LARS1: variants seen among roughly 807,000 people sequenced by gnomAD.
LARS1 encodes the protein leucyl-tRNA synthetase 1, also known as leucine--tRNA ligase, cytoplasmic.
In LARS1, 100 loss-of-function variants were observed where a neutral mutation model predicts 162.8. The ratio of observed to expected loss-of-function variants is 0.61; its 90% CI spans 0.52 to 0.73. The LOEUF (loss-of-function observed/expected upper bound fraction) is 0.73. Among genes scored for constraint, LARS1 ranks in the 30% least tolerant of loss-of-function variants. The pLI, the probability that LARS1 is intolerant of heterozygous loss-of-function variation, is 0.00. For synonymous variants in LARS1, 457 were observed against 462.8 expected, an observed-to-expected ratio of 0.99 and a Z score of 0.16; for missense variants, 1,258 against 1,408.9, an observed-to-expected ratio of 0.89 and a Z score of 1.71.
At chr5:146,175,405 T>C (rs1417419928) in intron 2 of LARS1, among the ~76,000 whole-genome samples, 1 of 151,372 alleles carries the variant, frequency 6.6e-6, no homozygotes, top group African/African-American at 2.4e-5. Context: ...TAGCCAGGCG[T>C]GGTGGCATGC....
At position 146,151,960 on chromosome 5, in the gene LARS1, C is replaced by T; in HGVS notation, c.1327G>A (p.Val443Ile). 1 of 1,614,144 alleles carries T rather than the reference C, an allele frequency of 6.2e-7. No homozygotes were observed. The highest frequency in any genetic ancestry group is 8.5e-7 in the Non-Finnish European group (1 of 1,180,024). ...ATTTTCAACTCATCACAAATGGTTA[C>T]AGCAGAAAGATTTCCAAAACCTGGG... ...EIPGFGNLSA[V>I]TICDELKIQS... The change falls in exon 14 of 32, where the codon GTA becomes ATA. Residue 443 changes from valine (V) to isoleucine (I), a missense_variant. By Grantham distance (29) the Val-to-Ile change is conservative. Coordinates refer to ENST00000394434, the MANE Select transcript of LARS1 (RefSeq NM_020117.11).
chr5:146,181,401 C>A (rs1334356217), intron 1 of LARS1, among the ~76,000 whole-genome samples: 1 of 151,714 alleles, frequency 6.6e-6, no homozygotes, highest in Non-Finnish European at 1.5e-5. Context: ...TAAAACCAGG[C>A]GGGATGGCTC....
rs188699530 is a variant in LARS1, at chr5:146,171,902, G to A, written c.294+8C>T. ...AAGAGTAGAAACCAATCCTATTAGC[G>A]ATCTTACCTTAATAGGCATTCCAGT... On this transcript the variant is annotated splice_region_variant and intron_variant, in intron 4 of 31. Transcript: ENST00000394434. The A allele has an allele frequency of 4.7e-4, 755 of 1,602,868 alleles. 5 individuals carry two copies. In the African/African-American group the frequency reaches 8.2e-3, roughly 17 times the overall value.
chr5:146,122,196 T>C (rs1480640184), intron 30 of LARS1, among the ~76,000 whole-genome samples: 1 of 152,128 alleles, frequency 6.6e-6, no homozygotes, highest in Non-Finnish European at 1.5e-5. Context: ...CCAGTATTTT[T>C]AAATAAAAAC....
intron 15 of LARS1, among the ~76,000 whole-genome samples, chr5:146,146,155 A>T (rs1752994172): frequency 6.6e-6 from 1 of 152,138 alleles, no homozygotes; most frequent in Admixed American, 6.6e-5. Context: ...AGCCTGTCCA[A>T]CATGGAGAAA....
At chr5:146,116,334 CG>C (rs1764208005) in intron 31 of LARS1, among the ~76,000 whole-genome samples, 1 of 152,014 alleles carries the variant, frequency 6.6e-6, no homozygotes, top group African/African-American at 2.4e-5. Context: ...CCTTTTACTG[CG>C]GATCTGCCTC....
chr5:146,153,666 G>A (rs922353740), intron 12 of LARS1, 68 bp downstream of exon 12: 41 of 1,164,648 alleles, frequency 3.5e-5, no homozygotes, highest in African/African-American at 9.2e-5. Flanking sequence ...GTCCCACAGC[G>A]TAGTTCAGCA....
chr5:146,153,960 A>G lies in LARS1; in HGVS notation c.1086T>C (p.Leu362=). ...LMGEEILGAS[L]SAPLTSYKVI... ...CCTTGTATGATGTTAAAGGTGCAGA[A>G]AGTGATGCACCAAGAATTTCCTGCA... The change falls in exon 11 of 32, where the codon CTT becomes CTC. Residue 362 remains leucine (L), a synonymous_variant. Coordinates refer to ENST00000394434, the MANE Select transcript of LARS1 (RefSeq NM_020117.11). 6.2e-7 allele frequency: 1 copy of G among 1,608,970 alleles called. No individual in the cohort carries two copies.
chr5:146,128,964 C>CA lies in LARS1; in HGVS notation c.2769+13dup, dbSNP rs1581015303. ...AGGAATAATCCTTTAAAAAAAAAAA[C>CA]AAAAAAACTTTACCTTCCCTTTAGC... On this transcript the variant is annotated intron_variant, in intron 26 of 31. Coordinates refer to ENST00000394434, the MANE Select transcript of LARS1 (RefSeq NM_020117.11). 4.5e-6 allele frequency: 7 copies of CA among 1,544,084 alleles called. No individual in the cohort carries two copies. Among genetic ancestry groups the CA allele is most frequent in the Middle Eastern group, 1.7e-4 (1 of 5,768 alleles).
In LARS1 at chr5:146,160,440, T is replaced by C. The variant is rs770654869; in HGVS notation, c.641A>G (p.Tyr214Cys). The C allele has an allele frequency of 3.2e-6, 5 of 1,585,776 alleles. No individual in the cohort carries two copies. Among genetic ancestry groups the C allele is most frequent in the East Asian group, 2.3e-5 (1 of 42,588 alleles). Residue 214 changes from tyrosine to cysteine, a missense_variant, in exon 7 of 32, where the codon TAT (tyrosine) becomes TGT (cysteine). Physicochemically the swap from Tyr to Cys is radical, Grantham distance 194. Transcript: ENST00000394434. ...AAATTGCCATCTGACAAATGAATCA[T>C]AGTAAGGATTAACATCAGTGGTGAT... ...SFITTDVNPY[Y>C]DSFVRWQFLT...
chr5:146,154,288 T>C lies in LARS1; in HGVS notation c.1066-308A>G, dbSNP rs571500570. On this transcript the variant is annotated intron_variant, in intron 10 of 31. Coordinates refer to ENST00000394434, the MANE Select transcript of LARS1 (RefSeq NM_020117.11). ...AGCTCCTGGGCTCAGGCAAGCCTCCTGAGGTCCCAGCCTCCCAAGTAGCTG... is the reference window on the plus strand; with the variant it reads ...AGCTCCTGGGCTCAGGCAAGCCTCCCGAGGTCCCAGCCTCCCAAGTAGCTG... Among the ~76,000 whole-genome samples, 161 of 152,286 alleles carry C rather than the reference T, an allele frequency of 1.1e-3. 1 individual carries two copies. The highest frequency in any genetic ancestry group is 3.8e-3 in the African/African-American group (157 of 41,550).
intron 21 of LARS1, chr5:146,138,288 C>G (rs1227463028): frequency 1.7e-5 from 3 of 180,710 alleles, no homozygotes; most frequent in East Asian, 1.6e-4. Context: ...CCCATGGGAA[C>G]AGTAGCATGG....
Position 146,176,502 on chromosome 5 carries a change from C to T in LARS1, c.125+1045G>A, listed in dbSNP as rs77494147. ...AAAAAGAAGATTAAATGAGAGTATA[C>T]ATGTAAAAAAATTTGCTAGCACATT... On this transcript the variant is annotated intron_variant, in intron 2 of 31. Coordinates refer to ENST00000394434, the MANE Select transcript of LARS1 (RefSeq NM_020117.11). 2.7e-5 allele frequency among the ~76,000 whole-genome samples: 4 copies of T among 148,202 alleles called. No individual in the cohort carries two copies. In the East Asian group the frequency reaches 7.9e-4, roughly 29 times the overall value.
intron 22 of LARS1, among the ~76,000 whole-genome samples, chr5:146,134,132 C>G (rs979297523): frequency 4.6e-5 from 7 of 152,156 alleles, no homozygotes; most frequent in African/African-American, 1.7e-4. Context: ...GTGTGAGCCA[C>G]CACACCCAGC....
intron 13 of LARS1, among the ~76,000 whole-genome samples, chr5:146,152,370 T>C (rs1279639414): frequency 6.6e-6 from 1 of 152,128 alleles, no homozygotes; most frequent in Non-Finnish European, 1.5e-5. Context: ...TACCAGTCCA[T>C]GGCATTAGGA....
At position 146,150,390 on chromosome 5, in the gene LARS1, T is replaced by C. The variant is rs1753218414; in HGVS notation, c.1426-691A>G. On this transcript the variant is annotated intron_variant, in intron 14 of 31. Coordinates refer to ENST00000394434, the MANE Select transcript of LARS1 (RefSeq NM_020117.11). ...ATTCTCTTTTGACATTCTAAACCTC[T>C]AACATACCAAAATACTTCAATATCT... 2.0e-5 allele frequency among the ~76,000 whole-genome samples: 3 copies of C among 152,306 alleles called. No homozygotes were observed. In the South Asian group the frequency reaches 6.2e-4, roughly 32 times the overall value.
At chr5:146,167,398 G>A (rs551281251) in intron 5 of LARS1, among the ~76,000 whole-genome samples, 30 of 151,904 alleles carry the variant, frequency 2.0e-4, no homozygotes, top group African/African-American at 6.7e-4. Context: ...AGGAAAGTCA[G>A]AAAGATAATT....
intron 10 of LARS1, among the ~76,000 whole-genome samples, chr5:146,154,426 C>T (rs981397928): frequency 2.0e-5 from 3 of 152,196 alleles, no homozygotes; most frequent in African/African-American, 7.2e-5. Context: ...AGCCATTTCA[C>T]AATGTATATA....
At chr5:146,154,017 A>C in intron 10 of LARS1, 37 bp from the exon 11 acceptor site, 1 of 1,382,328 alleles carries the variant, frequency 7.2e-7, no homozygotes, top group South Asian at 1.3e-5. Flanking sequence ...AGGTGAAGTA[A>C]TTCATTGTGA....
Sources: gnomAD v4.1 joint callset for allele counts (sites outside exome capture counted in the v4.1 genomes callset) on GRCh38, gnomAD v4.1.1 for gene constraint, MANE v1.5 for transcripts, NCBI Gene and HGNC (gene_info 2026-07-23, HGNC 2026-07-21) for gene names.